Variants in DDX11 observed in about 807,000 individuals in gnomAD.
The protein encoded by DDX11 is DEAD/H-box helicase 11.
A neutral mutation model predicts 125.2 loss-of-function variants in DDX11; 72 were observed. The observed-to-expected ratio is 0.58, with a 90% confidence interval of 0.48 to 0.70. DDX11 has a LOEUF of 0.70. DDX11 is among the 30% of genes least tolerant of loss of function. The pLI, the probability that DDX11 is intolerant of heterozygous loss-of-function variation, is 0.00. For synonymous variants in DDX11, 347 were observed against 452.6 expected (o/e 0.77, Z 2.96); for missense variants, 883 against 1,165.0 (o/e 0.76, Z 3.52).
At chr12:31,091,533 T>G in intron 9 of DDX11, 186 bp from the exon 10 acceptor site, 1 of 611,494 alleles carries the variant, frequency 1.6e-6, no homozygotes. Flanking sequence ...TTTCCTGTGT[T>G]TCATGTATTG....
At chr12:31,097,462 T>C in intron 17 of DDX11, among the ~76,000 whole-genome samples, 2 of 149,098 alleles carry the variant, frequency 1.3e-5, no homozygotes, top group Non-Finnish European at 3.0e-5. Context: ...GGGCGGATCG[T>C]GAGTTCAGGA....
intron 1 of DDX11, 166 bp from the exon 2 acceptor site, chr12:31,078,224 C>T (rs1811284): frequency 5.8e-6 from 9 of 1,545,458 alleles, no homozygotes; most frequent in African/African-American, 2.7e-5. Context: ...TATGGCCTCA[C>T]GTGGACCTGC....
chr12:31,085,820 A>G lies in DDX11; in HGVS notation c.638+694A>G, dbSNP rs1305997557. On this transcript the variant is annotated intron_variant, in intron 5 of 26. Coordinates refer to ENST00000542838, the MANE Select transcript of DDX11 (RefSeq NM_030653.4). ...GGACAGTTAATAGACATGAAAACAAATAGCACCTATGTGAAGTCAGCATGT... is the reference window on the plus strand; with the variant it reads ...GGACAGTTAATAGACATGAAAACAAGTAGCACCTATGTGAAGTCAGCATGT... Among the ~76,000 whole-genome samples, 6 of 152,186 alleles carry G rather than the reference A, an allele frequency of 3.9e-5. No homozygotes were observed. In the East Asian group the frequency reaches 9.7e-4, roughly 25 times the overall value.
Position 31,083,325 on chromosome 12 carries a change from ACAAAAC to A in DDX11, c.145-487_145-482del, listed in dbSNP as rs1174491203. On this transcript the variant is annotated intron_variant, in intron 2 of 26. Transcript: ENST00000542838. The stretch of plus-strand genomic sequence containing the variant: ...GATTAGTTTGCTTAAAAAAAAAAAA[ACAAAAC>A]AAAACACAAACCGTAAGCACTGGCG... 1.8e-3 allele frequency among the ~76,000 whole-genome samples: 255 copies of A among 144,990 alleles called. 5 individuals carry two copies. Among genetic ancestry groups the A allele is most frequent in the African/African-American group, 6.0e-3 (239 of 39,784 alleles).
chr12:31,085,599 G>A (rs1162769207), intron 5 of DDX11, among the ~76,000 whole-genome samples: 1 of 152,178 alleles, frequency 6.6e-6, no homozygotes, highest in Non-Finnish European at 1.5e-5. Flanking sequence ...CAGACTCAAG[G>A]TTTCCACTTG....
At chr12:31,088,239 G>A (rs953176406) in intron 6 of DDX11, among the ~76,000 whole-genome samples, 15 of 151,840 alleles carry the variant, frequency 9.9e-5, no homozygotes, top group Non-Finnish European at 2.2e-4. Flanking sequence ...CCTTTCCTGG[G>A]AACAGGGACC....
Position 31,078,189 on chromosome 12 carries a change from C to T in DDX11, c.-4-201C>T, listed in dbSNP as rs1166198050. Reference sequence around the variant, plus strand: ...GCATTCTGCTACAGCCGTTAAATGCCGCTAGATGGAGTGCGTGATTCTGGT... The same window carrying T: ...GCATTCTGCTACAGCCGTTAAATGCTGCTAGATGGAGTGCGTGATTCTGGT... On this transcript the variant is annotated intron_variant, in intron 1 of 26. Transcript: ENST00000542838. The T allele has an allele frequency of 7.3e-6, 11 of 1,513,970 alleles. No homozygotes were observed. The African/African-American group carries it at 9.7e-5, about 13-fold the overall frequency. 93.8% of individuals were successfully genotyped at this position (1,513,970 alleles called of 1,614,324 possible).
intron 20 of DDX11, 145 bp from the exon 21 acceptor site, chr12:31,101,688 C>T: frequency 8.9e-7 from 1 of 1,123,034 alleles, no homozygotes; most frequent in Admixed American, 1.8e-5. Context: ...GTGGTTCCCA[C>T]CCAGGGGAGC....
rs1447131196 is a variant in DDX11 at position 31,101,819 on chromosome 12, C to T, written c.2053-14C>T. 2 of 1,613,936 alleles carry T rather than the reference C, an allele frequency of 1.2e-6. No homozygotes were observed. The highest frequency in any genetic ancestry group is 4.5e-5 in the East Asian group (2 of 44,866). ...TCCATGGGGGCTCCCTCCCTCCCTC[C>T]TTTCCTTCCTTAGATGGACGAGGTG... On this transcript the variant is annotated splice_polypyrimidine_tract_variant and intron_variant, in intron 20 of 26. Transcript: ENST00000542838.
intron 2 of DDX11, among the ~76,000 whole-genome samples, chr12:31,080,351 C>A (rs1478494042): frequency 6.6e-6 from 1 of 152,202 alleles, no homozygotes; most frequent in African/African-American, 2.4e-5. Flanking sequence ...CCTCCTCCCC[C>A]TCCCTCTTGC....
chr12:31,096,574 A>G, intron 15 of DDX11, 63 bp from the exon 16 acceptor site: 2 of 1,593,712 alleles, frequency 1.3e-6, no homozygotes, highest in Non-Finnish European at 1.7e-6. Context: ...CCTCCGATCC[A>G]CCCAGCCTCT....
chr12:31,085,883 G>C, intron 5 of DDX11: 1 of 364,314 alleles, frequency 2.7e-6, no homozygotes, highest in Non-Finnish European at 5.5e-6. Flanking sequence ...TGTGGATGGG[G>C]TGGGGGGCTG....
chr12:31,080,712 G>A (rs536860223), intron 2 of DDX11, among the ~76,000 whole-genome samples: 1 of 152,172 alleles, frequency 6.6e-6, no homozygotes, highest in South Asian at 2.1e-4. Flanking sequence ...TAATTTTAGT[G>A]TGCTTTGGAA....
At chr12:31,102,091 A>C (rs1592823790) in intron 21 of DDX11, 109 bp downstream of exon 21, 2 of 1,419,088 alleles carry the variant, frequency 1.4e-6, no homozygotes, top group Non-Finnish European at 1.9e-6. Flanking sequence ...CCTCATCCCC[A>C]CCGCTCCCAG....
At chr12:31,099,413 TGTTTA>T (rs1488309271) in intron 18 of DDX11, among the ~76,000 whole-genome samples, 1 of 107,302 alleles carries the variant, frequency 9.3e-6, no homozygotes, top group Admixed American at 1.0e-4. Flanking sequence ...TCAAAGGATT[TGTTTA>T]CTTGACCTTT....
rs1353475496 is a variant in DDX11 at position 31,087,909 on chromosome 12, CTG to C, written c.639-27_639-26del. The C allele has an allele frequency of 3.1e-6, 5 of 1,604,610 alleles. No individual in the cohort carries two copies. The Admixed American group carries it at 6.9e-5, about 22-fold the overall frequency. Reference sequence around the variant, plus strand: ...TTTTGCTGAGTTTGCTGAGGGAAGACTGTTTTCTGTTCTCTCTCACACACACA... The same window carrying C: ...TTTTGCTGAGTTTGCTGAGGGAAGACTTTTCTGTTCTCTCTCACACACACA... On this transcript the variant is annotated intron_variant, in intron 5 of 26. Coordinates refer to ENST00000542838, the MANE Select transcript of DDX11 (RefSeq NM_030653.4).
intron 9 of DDX11, 122 bp from the exon 10 acceptor site, chr12:31,091,597 G>A (rs1426661256): frequency 2.0e-5 from 22 of 1,123,928 alleles, no homozygotes; most frequent in East Asian, 5.2e-5. Flanking sequence ...GCTGTTTTTC[G>A]AATGTCTCTA....
chr12:31,102,805 T>C (rs138557642), intron 23 of DDX11, 131 bp from the exon 24 acceptor site: 14,753 of 813,918 alleles, frequency 0.018, 221 homozygotes, highest in Middle Eastern at 0.066. Flanking sequence ...AGGTACAGAG[T>C]GGAGAGAGGC....
chr12:31,092,840 C>T lies in DDX11; in HGVS notation c.1243-6C>T, dbSNP rs1944473898. 4 of 1,613,706 alleles carry T rather than the reference C, an allele frequency of 2.5e-6. No homozygotes were observed. Among genetic ancestry groups the T allele is most frequent in the Non-Finnish European group, 3.4e-6 (4 of 1,179,762 alleles). ...GCTCAGAGCCTGGTTTGTGTTCTTT[C>T]CCCAGCTCTGCCAGGCCCATTCCCA... On this transcript the variant is annotated splice_region_variant and splice_polypyrimidine_tract_variant and intron_variant, in intron 10 of 26. Coordinates refer to ENST00000542838, the MANE Select transcript of DDX11 (RefSeq NM_030653.4).
Sources: gnomAD v4.1 joint callset for allele counts (sites outside exome capture counted in the v4.1 genomes callset) on GRCh38, gnomAD v4.1.1 for gene constraint, MANE v1.5 for transcripts, NCBI Gene and HGNC (gene_info 2026-07-23, HGNC 2026-07-21) for gene names.